ARL10: variants seen among roughly 807,000 people sequenced by gnomAD.
The protein encoded by ARL10 is ARF like GTPase 10.
In ARL10, 23 loss-of-function variants were observed where a neutral mutation model predicts 26.1. The observed-to-expected ratio is 0.88, with a 90% CI of 0.63 to 1.25. The LOEUF (loss-of-function observed/expected upper bound fraction) is 1.25. ARL10 is among the 50% of genes most tolerant of loss of function. The pLI, the probability that ARL10 is intolerant of heterozygous loss-of-function variation, is 0.00. For missense variants in ARL10, 300 were observed against 323.6 expected (o/e 0.93, Z 0.56); for synonymous variants, 138 against 149.1 (o/e 0.93, Z 0.54).
chr5:176,394,709 G>C (rs966922811), intron 1 of ARL10, among the ~76,000 whole-genome samples: 16 of 152,244 alleles, frequency 1.1e-4, no homozygotes, highest in African/African-American at 3.4e-4. Context: ...CAGCTACTCA[G>C]GAGGCCGAGG....
downstream of ARL10, among the ~76,000 whole-genome samples, chr5:176,402,284 C>T (rs536598368): frequency 3.3e-5 from 5 of 152,230 alleles, no homozygotes; most frequent in South Asian, 2.1e-4. Flanking sequence ...GGTAACAGAG[C>T]GAGACTCTGT....
At chr5:176,401,790 G>T (rs559027838) in exon 2 of ARL10, 44 of 455,838 alleles carry the variant, frequency 9.7e-5, no homozygotes, top group Non-Finnish European at 1.2e-4. Flanking sequence ...GGGTGCTGAG[G>T]CCCCAGCCTC....
downstream of ARL10, chr5:176,384,149 G>GCA (rs895310462): frequency 6.2e-7 from 1 of 1,613,370 alleles, no homozygotes; most frequent in Admixed American, 1.7e-5. Flanking sequence ...GAGCCACACA[G>GCA]CACCTCCTTG....
In ARL10 at chr5:176,365,594, C is replaced by T. The variant is rs766092656; in HGVS notation, c.31C>T (p.Leu11=). MAPRPLGPLV[L]ALGGAAAVLG... ...GCCGCGGCCGCTGGGCCCCTTGGTG[C>T]TGGCGCTGGGCGGCGCCGCGGCGGT... Residue 11 remains leucine, a synonymous_variant, in exon 1 of 4, where the codon CTG becomes TTG. Coordinates refer to ENST00000310389, the MANE Select transcript of ARL10 (RefSeq NM_173664.6). 1.6e-6 allele frequency: 2 copies of T among 1,250,102 alleles called. No homozygotes were observed. Among genetic ancestry groups the T allele is most frequent in the Non-Finnish European group, 2.0e-6 (2 of 998,908 alleles). 77.4% of individuals were successfully genotyped at this position (1,250,102 alleles called of 1,614,324 possible).
chr5:176,375,200 CCATCCACT>C lies in ARL10; in HGVS notation c.*3313_*3320del, dbSNP rs1768657976. 1 of 67,100 alleles carries C rather than the reference CCATCCACT, an allele frequency of 1.5e-5. No individual in the cohort carries two copies. Among genetic ancestry groups the C allele is most frequent in the African/African-American group, 3.8e-5 (1 of 26,546 alleles). 4.2% of individuals were successfully genotyped at this position (67,100 alleles called of 1,614,324 possible). ...CCCACCCATCCACCCATCCATCCAT[CCATCCACT>C]CATCCACCCATCCACCCATCCATCC... On this transcript the variant is annotated 3_prime_UTR_variant, in exon 4 of 4. Coordinates refer to ENST00000310389, the MANE Select transcript of ARL10 (RefSeq NM_173664.6).
At chr5:176,403,541 G>A (rs1221467457), downstream of ARL10, among the ~76,000 whole-genome samples, 4 of 151,726 alleles carry the variant, frequency 2.6e-5, no homozygotes, top group Non-Finnish European at 5.9e-5. Context: ...TGCAACCTCC[G>A]CCTCCCGGGT....
At chr5:176,384,847 C>T (rs762598308), downstream of ARL10, 1 of 476,112 alleles carries the variant, frequency 2.1e-6, no homozygotes, top group Admixed American at 3.6e-5. Context: ...CATGACCCAT[C>T]ATAGCCAGCT....
At chr5:176,383,011 G>A (rs1370232876), downstream of ARL10, among the ~76,000 whole-genome samples, 1 of 152,154 alleles carries the variant, frequency 6.6e-6, no homozygotes, top group African/African-American at 2.4e-5. Flanking sequence ...CAGTAAGGGG[G>A]CTTCTGGGAC....
At chr5:176,406,866 G>T in the ARL10 span, among the ~76,000 whole-genome samples, 1 of 152,298 alleles carries the variant, frequency 6.6e-6, no homozygotes, top group African/African-American at 2.4e-5. Flanking sequence ...TGTGACCCAG[G>T]CGCTGTGGCC....
chr5:176,395,804 T>C (rs925516528), intron 1 of ARL10, among the ~76,000 whole-genome samples: 2 of 152,130 alleles, frequency 1.3e-5, no homozygotes, highest in Admixed American at 1.3e-4. Context: ...TTTACATGCC[T>C]CCAGCATCCC....
intron 1 of ARL10, among the ~76,000 whole-genome samples, chr5:176,394,632 G>A (rs1581421988): frequency 2.8e-5 from 4 of 144,892 alleles, no homozygotes; most frequent in East Asian, 4.1e-4. Flanking sequence ...GGCTAACACG[G>A]TGAAACCCCG....
At chr5:176,382,134 T>G (rs1235336280), downstream of ARL10, among the ~76,000 whole-genome samples, 4 of 152,188 alleles carry the variant, frequency 2.6e-5, no homozygotes, top group East Asian at 7.7e-4. Flanking sequence ...CTACCACACG[T>G]AGACTGGGCA....
At chr5:176,387,064 TTCTCTCTC>T (rs55641001) in intron 1 of ARL10, 13 of 552,636 alleles carry the variant, frequency 2.4e-5, no homozygotes, top group East Asian at 6.0e-5. Flanking sequence ...TGGAGGCTTT[TTCTCTCTC>T]TCTCTCTTTT....
At chr5:176,409,567 C>A in the ARL10 span, among the ~76,000 whole-genome samples, 7 of 152,180 alleles carry the variant, frequency 4.6e-5, no homozygotes, top group African/African-American at 1.4e-4. Context: ...GCACCTGCCA[C>A]AATGACTGGC....
At chr5:176,388,474 C>T (rs1425398086) in exon 2 of ARL10, 1 of 1,614,258 alleles carries the variant, frequency 6.2e-7, no homozygotes, top group Non-Finnish European at 8.5e-7. Flanking sequence ...CATTCCGGTT[C>T]AGACGCTTTC....
At position 176,387,390 on chromosome 5, in the gene ARL10, C is replaced by T. The variant is rs73328138; in HGVS notation, c.37-905C>T. On this transcript the variant is annotated intron_variant, in intron 1 of 1. Transcript: ENST00000503175. ...TTTGTGTTTTGTTCTCTATTAAATC[C>T]CCAGGGTGCTTAGGATGTGACATGT... Among the ~76,000 whole-genome samples, 450 of 152,320 alleles carry T rather than the reference C, an allele frequency of 3.0e-3. 2 individuals carry two copies. The highest frequency in any genetic ancestry group is 0.01 in the African/African-American group (426 of 41,566).
At chr5:176,407,235 TCAC>T in the ARL10 span, among the ~76,000 whole-genome samples, 3 of 152,154 alleles carry the variant, frequency 2.0e-5, no homozygotes, top group African/African-American at 7.2e-5. Context: ...GACTTTGCAT[TCAC>T]CACTTCACCT....
Position 176,366,525 on chromosome 5 carries a change from G to A in ARL10, c.329G>A (p.Trp110Ter). Residue 110 changes from tryptophan to a stop codon, truncating the protein, a stop_gained, in exon 2 of 4, where the codon TGG (tryptophan) becomes TAG (stop). Coordinates refer to ENST00000310389, the MANE Select transcript of ARL10 (RefSeq NM_173664.6). LOFTEE classifies it high-confidence loss of function. ...KPPLEGHIPT[W>*]GFNSVRLPTK... ...CCGCTGGAAGGCCACATCCCCACCT[G>A]GGGCTTCAACTCCGTGCGTCTGCCC... 6.2e-7 allele frequency: 1 copy of A among 1,614,114 alleles called. No individual in the cohort carries two copies. Among genetic ancestry groups the A allele is most frequent in the Non-Finnish European group, 8.5e-7 (1 of 1,180,026 alleles).
At chr5:176,395,032 C>G (rs1756453642) in intron 1 of ARL10, among the ~76,000 whole-genome samples, 3 of 152,082 alleles carry the variant, frequency 2.0e-5, no homozygotes, top group Admixed American at 2.0e-4. Context: ...CTTGGCACAA[C>G]AGGCGCTTTG....
Sources: allele counts gnomAD v4.1 joint callset (sites outside exome capture counted in the v4.1 genomes callset), GRCh38; gene constraint gnomAD v4.1.1; transcripts MANE v1.5; gene names NCBI Gene and HGNC (gene_info 2026-07-23, HGNC 2026-07-21).